Variants in STXBP5 observed in about 807,000 individuals in gnomAD.
The protein encoded by STXBP5 is syntaxin-binding protein 5.
A neutral mutation model predicts 152.4 loss-of-function variants in STXBP5; 50 were observed. The ratio of observed to expected loss-of-function variants is 0.33; its 90% CI spans 0.26 to 0.42. The LOEUF (loss-of-function observed/expected upper bound fraction) is 0.42. STXBP5 is among the 10% of genes least tolerant of loss of function. The pLI is 1.00. For synonymous variants in STXBP5, 492 were observed against 494.7 expected (o/e 0.99, Z 0.07); for missense variants, 1,167 against 1,388.6 (o/e 0.84, Z 2.54).
chr6:147,292,159 C>T (rs1278864762), intron 9 of STXBP5: 4 of 408,340 alleles, frequency 9.8e-6, no homozygotes, highest in Non-Finnish European at 1.9e-5. Flanking sequence ...TTTTAATCTC[C>T]CCTCCCATTT....
chr6:147,259,183 G>GT (rs1396255692), intron 4 of STXBP5, among the ~76,000 whole-genome samples: 1 of 152,062 alleles, frequency 6.6e-6, no homozygotes, highest in African/African-American at 2.4e-5. Context: ...TTAAATGAAT[G>GT]TTTAAGTTTC....
intron 2 of STXBP5, among the ~76,000 whole-genome samples, chr6:147,230,578 T>A (rs1041877439): frequency 1.1e-4 from 17 of 152,084 alleles, no homozygotes; most frequent in African/African-American, 4.1e-4. Context: ...TATAAATATA[T>A]GTTCCTTTTC....
At position 147,327,218 on chromosome 6, in the gene STXBP5, T is replaced by C. The variant is rs1479998718; in HGVS notation, c.2022T>C (p.Ser674=). 6.2e-7 allele frequency: 1 copy of C among 1,614,134 alleles called. No individual in the cohort carries two copies. Among genetic ancestry groups the C allele is most frequent in the Admixed American group, 1.7e-5 (1 of 60,022 alleles). The change falls in exon 18 of 28, where the codon TCT becomes TCC. Residue 674 remains serine (S), a synonymous_variant. Coordinates refer to ENST00000321680, the MANE Select transcript of STXBP5 (RefSeq NM_001127715.4). ...LNLGTIELYG[S]NDPYRREPRS... is the part of the protein sequence containing the mutation. ...TGGGCACTATTGAATTATATGGCTC[T>C]AATGATCCTTATCGGAGAGAACCCC...
chr6:147,314,100 A>G, intron 12 of STXBP5, 69 bp downstream of exon 12: 2 of 1,499,282 alleles, frequency 1.3e-6, no homozygotes, highest in Non-Finnish European at 9.0e-7. Flanking sequence ...ACCTTGGAGT[A>G]TTTGATAACA....
intron 2 of STXBP5, among the ~76,000 whole-genome samples, chr6:147,220,517 C>G (rs556890152): frequency 8.5e-5 from 13 of 152,166 alleles, no homozygotes; most frequent in African/African-American, 2.9e-4. Context: ...TTTCTCCTTG[C>G]AGTTTTATGA....
At position 147,316,350 on chromosome 6, in the gene STXBP5, A is replaced by G. The variant is rs764661109; in HGVS notation, c.1745A>G (p.His582Arg). The G allele has an allele frequency of 6.2e-7, 1 of 1,608,310 alleles. No individual in the cohort carries two copies. The highest frequency in any genetic ancestry group is 1.1e-5 in the South Asian group (1 of 90,396). ...SNPQPIPPQS[H>R]PSTSSSSSDG... is the part of the protein sequence containing the mutation. ...CCTCAGCCCATCCCTCCTCAGTCTC[A>G]TCCATCTACCAGTAGCAGTTCATCT... Residue 582 changes from histidine (H) to arginine (R), a missense_variant, in exon 16 of 28, where the codon CAT becomes CGT. By Grantham distance (29) the His-to-Arg change is conservative (BLOSUM62 0). This residue lies in a region of STXBP5 where 833 missense variants were observed against 986.3 expected (regional missense o/e 0.84). Coordinates refer to ENST00000321680, the MANE Select transcript of STXBP5 (RefSeq NM_001127715.4).
At chr6:147,269,383 G>A (rs1340552226) in intron 7 of STXBP5, among the ~76,000 whole-genome samples, 2 of 152,090 alleles carry the variant, frequency 1.3e-5, no homozygotes, top group African/African-American at 2.4e-5. Context: ...TTTTAAGTAC[G>A]TAACTACATC....
intron 4 of STXBP5, among the ~76,000 whole-genome samples, chr6:147,257,738 T>C (rs1160839694): frequency 6.6e-6 from 1 of 152,228 alleles, no homozygotes; most frequent in Non-Finnish European, 1.5e-5. Flanking sequence ...CTATATGTTT[T>C]TATAGCTTTA....
At chr6:147,248,117 T>C (rs1167926634) in intron 4 of STXBP5, among the ~76,000 whole-genome samples, 1 of 151,870 alleles carries the variant, frequency 6.6e-6, no homozygotes, top group Non-Finnish European at 1.5e-5. Flanking sequence ...CTGTCTCTAC[T>C]AAAAATACAA....
At chr6:147,216,759 A>AT (rs1196303455) in intron 2 of STXBP5, among the ~76,000 whole-genome samples, 5 of 152,176 alleles carry the variant, frequency 3.3e-5, no homozygotes, top group African/African-American at 1.2e-4. Context: ...TGGAGCTATG[A>AT]TTTTAACGTG....
intron 2 of STXBP5, among the ~76,000 whole-genome samples, chr6:147,217,250 T>C (rs1355189387): frequency 6.6e-6 from 1 of 152,268 alleles, no homozygotes; most frequent in Non-Finnish European, 1.5e-5. Context: ...TTTTTCCATC[T>C]GTTCAGTCTT....
intron 23 of STXBP5, among the ~76,000 whole-genome samples, chr6:147,360,696 A>G (rs1030749096): frequency 1.3e-5 from 2 of 152,194 alleles, no homozygotes; most frequent in Admixed American, 1.3e-4. Context: ...AAGTGTTAGG[A>G]AAAGGTGACT....
rs540817416 is a variant in STXBP5, at chr6:147,303,099, T to C, written c.918-6985T>C. Among the ~76,000 whole-genome samples the C allele has an allele frequency of 2.0e-3, 300 of 152,298 alleles. 2 individuals carry two copies. The highest frequency in any genetic ancestry group is 0.014 in the South Asian group (69 of 4,822). Reference sequence around the variant, plus strand: ...ATACTTTAAAGAAGTGAGTATAAAATATACCAATTTCATAAATAATCTGAT... The same window carrying C: ...ATACTTTAAAGAAGTGAGTATAAAACATACCAATTTCATAAATAATCTGAT... On this transcript the variant is annotated intron_variant, in intron 9 of 27. Coordinates refer to ENST00000321680, the MANE Select transcript of STXBP5 (RefSeq NM_001127715.4).
chr6:147,236,604 TGTA>T (rs1329287558), intron 3 of STXBP5, among the ~76,000 whole-genome samples: 1 of 152,154 alleles, frequency 6.6e-6, no homozygotes, highest in East Asian at 1.9e-4. Context: ...TGTGTGTGCA[TGTA>T]GTTCAGTTTT....
intron 2 of STXBP5, among the ~76,000 whole-genome samples, chr6:147,224,261 A>G (rs1464511933): frequency 6.6e-6 from 1 of 152,142 alleles, no homozygotes; most frequent in African/African-American, 2.4e-5. Context: ...CCCTGTCTCT[A>G]CTAAAAATAA....
In STXBP5 at chr6:147,239,819, A is replaced by G. The variant is rs112968951; in HGVS notation, c.431+549A>G. Among the ~76,000 whole-genome samples the G allele has an allele frequency of 2.0e-5, 3 of 152,338 alleles. 1 individual carries two copies. The highest frequency in any genetic ancestry group is 7.2e-5 in the African/African-American group (3 of 41,584). The stretch of plus-strand genomic sequence containing the variant: ...AAGTATATCCATAAGATAAATTTGT[A>G]GAAGTAGGTTAGCTTGGTCATAGAA... On this transcript the variant is annotated intron_variant, in intron 4 of 27. Transcript: ENST00000321680.
intron 4 of STXBP5, among the ~76,000 whole-genome samples, chr6:147,254,064 C>A (rs994905725): frequency 6.6e-6 from 1 of 152,104 alleles, no homozygotes; most frequent in African/African-American, 2.4e-5. Flanking sequence ...AGAATAGAAC[C>A]AAAATAGCAT....
At chr6:147,368,691 G>C (rs1785407990) in intron 25 of STXBP5, among the ~76,000 whole-genome samples, 1 of 151,960 alleles carries the variant, frequency 6.6e-6, no homozygotes, top group Admixed American at 6.6e-5. Context: ...CATCAGTATA[G>C]GAAATCTAAT....
At chr6:147,277,583 T>A (rs1354465892) in intron 7 of STXBP5, among the ~76,000 whole-genome samples, 1 of 152,072 alleles carries the variant, frequency 6.6e-6, no homozygotes, top group Non-Finnish European at 1.5e-5. Flanking sequence ...GCCTCAGTAA[T>A]TACTGTGAGA....
Sources: allele counts gnomAD v4.1 joint callset (sites outside exome capture counted in the v4.1 genomes callset), GRCh38; gene constraint gnomAD v4.1.1; regional missense constraint gnomAD v4.1.1; transcripts MANE v1.5; gene names NCBI Gene and HGNC (gene_info 2026-07-23, HGNC 2026-07-21).